SSX2IP: variants seen among roughly 807,000 people sequenced by gnomAD.
The protein encoded by SSX2IP is SSX family member 2 interacting protein.
SSX2IP carries 55 observed loss-of-function variants against 84.9 expected under a neutral mutation model. That is an observed-to-expected ratio of 0.65 (90% CI 0.52 to 0.81). The LOEUF (loss-of-function observed/expected upper bound fraction) is 0.81, where lower values mean the gene tolerates loss of function less well. SSX2IP is among the 30% of genes least tolerant of loss of function. SSX2IP has a pLI of 0.00. For missense variants in SSX2IP, 664 were observed against 705.2 expected (o/e 0.94, Z 0.66); for synonymous variants, 239 against 234.7 (o/e 1.02, Z -0.17).
chr1:84,651,343 C>G (rs1271815139), intron 12 of SSX2IP, among the ~76,000 whole-genome samples: 2 of 151,926 alleles, frequency 1.3e-5, no homozygotes, highest in African/African-American at 4.8e-5. Flanking sequence ...TTTTCAAAAA[C>G]TTCGCATTAT....
intron 6 of SSX2IP, 21 bp downstream of exon 6, chr1:84,664,396 T>G: frequency 6.4e-7 from 1 of 1,564,486 alleles, no homozygotes; most frequent in Non-Finnish European, 8.6e-7. Flanking sequence ...TTCTCTTAGC[T>G]GATCTTTGCC....
Position 84,655,814 on chromosome 1 carries a change from T to C in SSX2IP, c.1389+18A>G. On this transcript the variant is annotated intron_variant, in intron 11 of 13. Transcript: ENST00000342203. ...CCACCCCCAGTATTTTCAAAAGCACTACAATTGTTTAAAATACCTCCAATC... is the reference window on the plus strand; with the variant it reads ...CCACCCCCAGTATTTTCAAAAGCACCACAATTGTTTAAAATACCTCCAATC... 3 of 1,610,654 alleles carry C rather than the reference T, an allele frequency of 1.9e-6. No homozygotes were observed. The highest frequency in any genetic ancestry group is 1.7e-6 in the Non-Finnish European group (2 of 1,178,384).
intron 1 of SSX2IP, among the ~76,000 whole-genome samples, chr1:84,678,075 A>G (rs1174442647): frequency 6.6e-6 from 1 of 152,236 alleles, no homozygotes; most frequent in African/African-American, 2.4e-5. Flanking sequence ...CTAAAACTTA[A>G]ACCATAATTT....
At chr1:84,670,218 G>T in intron 3 of SSX2IP, 1 of 180,306 alleles carries the variant, frequency 5.5e-6, no homozygotes, top group Non-Finnish European at 1.1e-5. Context: ...GTTGGTTACT[G>T]GGCAACTTAG....
chr1:84,654,390 A>G (rs1382780142), intron 11 of SSX2IP, among the ~76,000 whole-genome samples: 1 of 152,188 alleles, frequency 6.6e-6, no homozygotes, highest in East Asian at 1.9e-4. Flanking sequence ...TGAAGGAAAA[A>G]AAACTGGAAT....
intron 13 of SSX2IP, among the ~76,000 whole-genome samples, chr1:84,648,750 T>C (rs1216048396): frequency 6.6e-6 from 1 of 152,240 alleles, no homozygotes; most frequent in African/African-American, 2.4e-5. Flanking sequence ...TTGAATAACA[T>C]TCTATGTAAG....
chr1:84,684,117 A>G (rs1655466280), intron 1 of SSX2IP, among the ~76,000 whole-genome samples: 1 of 152,188 alleles, frequency 6.6e-6, no homozygotes. Context: ...AAATCTACTC[A>G]TCGTTTTTTC....
chr1:84,644,458 G>A lies in SSX2IP; in HGVS notation c.*2975C>T, dbSNP rs1197708972. 1 of 152,144 alleles carries A rather than the reference G, an allele frequency of 6.6e-6. No individual in the cohort carries two copies. The highest frequency in any genetic ancestry group is 1.5e-5 in the Non-Finnish European group (1 of 68,024). The allele number at this position is 152,144 out of a possible 1,614,324, so 9.4% of individuals were successfully genotyped here. ...GGTACTTAATAAATGCTTACCAAAAGACTGAAAAAGGACAAAAATAGGGAA... is the reference window on the plus strand; with the variant it reads ...GGTACTTAATAAATGCTTACCAAAAAACTGAAAAAGGACAAAAATAGGGAA... On this transcript the variant is annotated 3_prime_UTR_variant, in exon 14 of 14. Transcript: ENST00000342203.
intron 11 of SSX2IP, among the ~76,000 whole-genome samples, chr1:84,653,690 G>A (rs1193739697): frequency 2.0e-5 from 3 of 152,128 alleles, no homozygotes; most frequent in African/African-American, 7.2e-5. Flanking sequence ...GGAAATCCAC[G>A]TCAGCTACTG....
chr1:84,682,504 C>CTT (rs375144986), intron 1 of SSX2IP, among the ~76,000 whole-genome samples: 11 of 140,274 alleles, frequency 7.8e-5, no homozygotes, highest in East Asian at 2.0e-4. Context: ...TTTGTCTTCA[C>CTT]TTTTTTTTTT....
rs563063211 is a variant in SSX2IP, at chr1:84,676,886, T to C, written c.-89-5578A>G. Among the ~76,000 whole-genome samples, 22 of 152,186 alleles carry C rather than the reference T, an allele frequency of 1.4e-4. 1 individual carries two copies. In the South Asian group the frequency reaches 4.6e-3, roughly 32 times the overall value. On this transcript the variant is annotated intron_variant, in intron 1 of 13. Coordinates refer to ENST00000342203, the MANE Select transcript of SSX2IP (RefSeq NM_001166293.2). ...TACAGGCGGATGCCTAGCTAATTTTTGTATTTTTAGTAGAGATGGTGTTTC... is the reference window on the plus strand; with the variant it reads ...TACAGGCGGATGCCTAGCTAATTTTCGTATTTTTAGTAGAGATGGTGTTTC...
intron 1 of SSX2IP, among the ~76,000 whole-genome samples, chr1:84,680,664 A>AGT (rs1261422616): frequency 1.3e-5 from 2 of 152,136 alleles, no homozygotes; most frequent in Non-Finnish European, 2.9e-5. Flanking sequence ...AAAAAAAACA[A>AGT]ATATCAGTAG....
intron 1 of SSX2IP, among the ~76,000 whole-genome samples, chr1:84,672,626 C>G (rs766575107): frequency 4.0e-4 from 61 of 152,112 alleles, no homozygotes; most frequent in Admixed American, 9.2e-4. Context: ...TGTAATAAGC[C>G]AAATAAAATG....
At chr1:84,656,645 A>G (rs1419548188) in intron 9 of SSX2IP, among the ~76,000 whole-genome samples, 161 bp from the exon 10 acceptor site, 1 of 152,162 alleles carries the variant, frequency 6.6e-6, no homozygotes, top group African/African-American at 2.4e-5. Context: ...TTAAAATTTC[A>G]TAAGCTATAA....
chr1:84,671,122 A>G, intron 2 of SSX2IP, 55 bp downstream of exon 2: 1 of 1,575,858 alleles, frequency 6.3e-7, no homozygotes, highest in Non-Finnish European at 8.6e-7. Flanking sequence ...ATTTTCATTG[A>G]AAAATTCACC....
At chr1:84,653,775 AATAT>A (rs1650676636) in intron 11 of SSX2IP, among the ~76,000 whole-genome samples, 1 of 152,210 alleles carries the variant, frequency 6.6e-6, no homozygotes, top group Non-Finnish European at 1.5e-5. Context: ...TGAGAAAACT[AATAT>A]AGAAAAAAGG....
intron 6 of SSX2IP, among the ~76,000 whole-genome samples, chr1:84,662,946 C>T (rs889020263): frequency 3.9e-5 from 6 of 152,088 alleles, no homozygotes; most frequent in African/African-American, 1.4e-4. Flanking sequence ...GTAAATAAAG[C>T]TTTATGGGAA....
At chr1:84,682,707 T>C (rs984827415) in intron 1 of SSX2IP, among the ~76,000 whole-genome samples, 1 of 152,136 alleles carries the variant, frequency 6.6e-6, no homozygotes, top group African/African-American at 2.4e-5. Context: ...TTTCACCATG[T>C]TGGCCAGACT....
intron 11 of SSX2IP, 56 bp from the exon 12 acceptor site, chr1:84,652,053 C>T (rs1650334443): frequency 7.8e-7 from 1 of 1,276,772 alleles, no homozygotes; most frequent in African/African-American, 1.5e-5. Flanking sequence ...ACACAGTTGC[C>T]ATTTCACATG....
Sources: allele counts gnomAD v4.1 joint callset (sites outside exome capture counted in the v4.1 genomes callset), GRCh38; gene constraint gnomAD v4.1.1; transcripts MANE v1.5; gene names NCBI Gene and HGNC (gene_info 2026-07-23, HGNC 2026-07-21).